Variants in IL1RAPL2 observed in about 807,000 individuals in gnomAD.
IL1RAPL2 encodes the protein X-linked interleukin-1 receptor accessory protein-like 2.
In IL1RAPL2, 3 loss-of-function variants were observed where a neutral mutation model predicts 44.1. The ratio of observed to expected loss-of-function variants is 0.07; its 90% CI spans 0.03 to 0.18. IL1RAPL2 has a LOEUF of 0.18. Ranked by LOEUF, IL1RAPL2 falls within the 10% of genes least tolerant of loss-of-function variation. IL1RAPL2 has a pLI of 1.00. For synonymous variants in IL1RAPL2, 181 were observed against 178.8 expected (o/e 1.01, Z -0.10); for missense variants, 391 against 496.4 (o/e 0.79, Z 2.02).
intron 5 of IL1RAPL2, among the ~76,000 whole-genome samples, chrX:105,292,680 A>T (rs979057039): frequency 8.9e-6 from 1 of 111,990 alleles, no homozygotes; most frequent in African/African-American, 3.2e-5. Context: ...TATGTTATGT[A>T]ATAAAATCAT....
intron 2 of IL1RAPL2, among the ~76,000 whole-genome samples, chrX:104,801,802 A>T (rs760031570): frequency 3.6e-5 from 4 of 111,496 alleles, no homozygotes; most frequent in Non-Finnish European, 7.5e-5. Context: ...CCATGTTTCC[A>T]TTTTTATTTC....
chrX:104,903,076 G>T (rs1456348184), intron 2 of IL1RAPL2, among the ~76,000 whole-genome samples: 2 of 111,480 alleles, frequency 1.8e-5, no homozygotes, highest in African/African-American at 3.3e-5. Context: ...TTTTTTGGCT[G>T]CAGAGGGGGC....
intron 2 of IL1RAPL2, among the ~76,000 whole-genome samples, chrX:105,060,585 C>CTTTTTTTTTTTTTTTTTTTTTTTTTT (rs1161187469): frequency 8.6e-5 from 6 of 70,163 alleles, no homozygotes; most frequent in Non-Finnish European, 1.1e-4. Flanking sequence ...TTTTCTTTTT[C>CTTTTTTTTTTTTTTTTTTTTTTTTTT]TTTTTTTTTT....
chrX:104,949,159 G>A (rs1278950345), intron 2 of IL1RAPL2, among the ~76,000 whole-genome samples: 2 of 109,417 alleles, frequency 1.8e-5, no homozygotes, highest in African/African-American at 3.3e-5. Flanking sequence ...GAGTGTATGT[G>A]TCGAGGAATT....
chrX:105,591,576 C>A, intron 6 of IL1RAPL2, among the ~76,000 whole-genome samples: 1 of 111,196 alleles, frequency 9.0e-6, no homozygotes, highest in East Asian at 2.8e-4. Context: ...TTCCTCTTAA[C>A]GCTGCTTTAG....
At chrX:105,190,337 T>C (rs2033622856) in intron 2 of IL1RAPL2, among the ~76,000 whole-genome samples, 1 of 112,351 alleles carries the variant, frequency 8.9e-6, no homozygotes, top group Non-Finnish European at 1.9e-5. Flanking sequence ...TGTGCTGTGA[T>C]TCTTCTCAAG....
chrX:105,040,500 C>T (rs1163305959), intron 2 of IL1RAPL2, among the ~76,000 whole-genome samples: 1 of 110,877 alleles, frequency 9.0e-6, no homozygotes, highest in Non-Finnish European at 1.9e-5. Flanking sequence ...GGCTGTGAAT[C>T]CATCTGGTCC....
chrX:105,396,626 G>A (rs2035565132), intron 5 of IL1RAPL2, among the ~76,000 whole-genome samples: 1 of 106,796 alleles, frequency 9.4e-6, no homozygotes, highest in Non-Finnish European at 1.9e-5. Flanking sequence ...AAGGAAGGAA[G>A]CATTTCAGGG....
chrX:104,585,249 TATATAATA>T (rs1928491287), intron 1 of IL1RAPL2, among the ~76,000 whole-genome samples: 5 of 28,373 alleles, frequency 1.8e-4, no homozygotes, highest in African/African-American at 8.6e-4. Flanking sequence ...TAATATATGA[TATATAATA>T]TATATATAAT....
chrX:105,548,790 A>G (rs1273528895), intron 6 of IL1RAPL2, among the ~76,000 whole-genome samples: 1 of 112,115 alleles, frequency 8.9e-6, no homozygotes, highest in African/African-American at 3.2e-5. Flanking sequence ...TGTGAGTTAT[A>G]TAGAATAACA....
intron 4 of IL1RAPL2, among the ~76,000 whole-genome samples, chrX:105,250,491 G>A (rs779117617): frequency 9.1e-6 from 1 of 109,729 alleles, no homozygotes; most frequent in East Asian, 2.9e-4. Context: ...GAGTTTGGAG[G>A]GTATGTGGAA....
chrX:105,230,650 C>T (rs1401903744), intron 3 of IL1RAPL2, among the ~76,000 whole-genome samples: 1 of 110,279 alleles, frequency 9.1e-6, no homozygotes, highest in East Asian at 2.8e-4. Flanking sequence ...TTATTTAATA[C>T]TTACAGTGAT....
At position 104,635,629 on chromosome X, in the gene IL1RAPL2, T is replaced by C. The variant is rs764639498; in HGVS notation, c.-19-23266T>C. On this transcript the variant is annotated intron_variant, in intron 1 of 10. Coordinates refer to ENST00000372582, the MANE Select transcript of IL1RAPL2 (RefSeq NM_017416.2). ...CACTGATACCCTTTCTTCCAGTTGA[T>C]CGCATCGGCTACTGAGGCTTGTGCA... 8.0e-5 allele frequency among the ~76,000 whole-genome samples: 9 copies of C among 112,231 alleles called. No homozygotes were observed. The East Asian group carries it at 1.7e-3, about 21-fold the overall frequency.
intron 1 of IL1RAPL2, among the ~76,000 whole-genome samples, chrX:104,611,485 C>T (rs771246933): frequency 5.9e-4 from 65 of 110,835 alleles, no homozygotes; most frequent in African/African-American, 2.0e-3. Flanking sequence ...CAGTGGTGGA[C>T]GCCCCTCCCG....
At chrX:105,188,397 T>G (rs112030801) in intron 2 of IL1RAPL2, among the ~76,000 whole-genome samples, 6 of 111,549 alleles carry the variant, frequency 5.4e-5, no homozygotes, top group African/African-American at 2.0e-4. Context: ...TTGGCTAGTG[T>G]CTAATTCCCA....
chrX:105,418,534 A>G (rs1211693326), intron 5 of IL1RAPL2, among the ~76,000 whole-genome samples: 4 of 111,930 alleles, frequency 3.6e-5, no homozygotes, highest in South Asian at 3.7e-4. Flanking sequence ...GTCACTTGAA[A>G]CATAATAATA....
At chrX:104,567,303 G>C (rs1257792305) in intron 1 of IL1RAPL2, among the ~76,000 whole-genome samples, 2 of 112,881 alleles carry the variant, frequency 1.8e-5, no homozygotes, top group East Asian at 5.7e-4. Context: ...TCAGGTGCCC[G>C]CGAGCCCAAG....
chrX:104,761,895 TTCTCCTTCTCCTTCTCCTTCTCCTTCTC>T (rs1932447875), intron 2 of IL1RAPL2, among the ~76,000 whole-genome samples: 10 of 52,380 alleles, frequency 1.9e-4, no homozygotes, highest in African/African-American at 1.2e-3. Flanking sequence ...CTCCTTCTCC[TTCTCCTTCTCCTTCTCCTTCTCCTTCTC>T]CTTCTTCTTC....
At chrX:105,222,806 T>C (rs1028259753) in intron 3 of IL1RAPL2, among the ~76,000 whole-genome samples, 3 of 111,129 alleles carry the variant, frequency 2.7e-5, no homozygotes, top group Non-Finnish European at 3.8e-5. Context: ...AGTTGGAGAA[T>C]GAAGAAGAAT....
Sources: allele counts gnomAD v4.1 joint callset (sites outside exome capture counted in the v4.1 genomes callset), GRCh38; gene constraint gnomAD v4.1.1; transcripts MANE v1.5; gene names NCBI Gene and HGNC (gene_info 2026-07-23, HGNC 2026-07-21).